The following OR51B5 variants were observed in gnomAD, a reference collection of about 807,000 sequenced individuals.
The protein encoded by OR51B5 is olfactory receptor family 51 subfamily B member 5, also known as olfactory receptor 51B5.
For synonymous variants in OR51B5, 186 were observed against 144.8 expected (o/e 1.28, Z -2.04); for missense variants, 456 against 374.6 (o/e 1.22, Z -1.79).
At chr11:5,443,528 A>C (rs1314180679) in intron 1 of OR51B5, among the ~76,000 whole-genome samples, 1 of 143,628 alleles carries the variant, frequency 7.0e-6, no homozygotes, top group Non-Finnish European at 1.5e-5. Context: ...TTTTTTCTTT[A>C]CCTTTGCTGC....
At chr11:5,359,163 G>T (rs918046188) in intron 1 of OR51B5, among the ~76,000 whole-genome samples, 1 of 151,532 alleles carries the variant, frequency 6.6e-6, no homozygotes, top group African/African-American at 2.4e-5. Context: ...GCAGGAGAAG[G>T]AAAAAAAGGT....
chr11:5,456,452 T>C (rs1850960289), intron 1 of OR51B5: 1 of 152,208 alleles, frequency 6.6e-6, no homozygotes, highest in Admixed American at 6.5e-5. Flanking sequence ...TGTTTTTGTT[T>C]TTTTGACCTT....
chr11:5,393,788 C>G (rs1162543896), intron 1 of OR51B5, among the ~76,000 whole-genome samples: 1 of 152,104 alleles, frequency 6.6e-6, no homozygotes, highest in Non-Finnish European at 1.5e-5. Flanking sequence ...AACTGAGGCT[C>G]ACAGAGGAAA....
chr11:5,416,517 T>C (rs933287300), intron 1 of OR51B5, among the ~76,000 whole-genome samples: 3 of 151,556 alleles, frequency 2.0e-5, no homozygotes, highest in African/African-American at 7.3e-5. Flanking sequence ...TGATTGTATA[T>C]CTAGAAAACC....
intron 1 of OR51B5, among the ~76,000 whole-genome samples, chr11:5,505,020 G>A (rs1846351521): frequency 6.6e-6 from 1 of 152,212 alleles, no homozygotes; most frequent in Non-Finnish European, 1.5e-5. Flanking sequence ...TGTCTTCCCT[G>A]ATGAGCAGGG....
In OR51B5 at chr11:5,477,629, C is replaced by G. The variant is rs367745355; in HGVS notation, n.84+27940G>C. Among the ~76,000 whole-genome samples, 12 of 152,268 alleles carry G rather than the reference C, an allele frequency of 7.9e-5. No homozygotes were observed. In the East Asian group the frequency reaches 2.1e-3, roughly 27 times the overall value. On this transcript the variant is annotated intron_variant and non_coding_transcript_variant, in intron 1 of 4. Transcript: ENST00000415970. ...GTTCATATCACTAGGGAGTGCCAGA[C>G]AGTCGGCGCAGGTCAGTGGGTGCGC...
chr11:5,475,810 C>T (rs1851296761), intron 1 of OR51B5, among the ~76,000 whole-genome samples: 4 of 152,182 alleles, frequency 2.6e-5, no homozygotes, highest in Admixed American at 2.0e-4. Flanking sequence ...ATCAGCATAA[C>T]AGCATCAGCA....
downstream of OR51B5, among the ~76,000 whole-genome samples, chr11:5,342,244 TTTTATGATTC>T (rs1196463756): frequency 6.6e-6 from 1 of 152,204 alleles, no homozygotes; most frequent in Non-Finnish European, 1.5e-5. Flanking sequence ...AATTTTATAT[TTTTATGATTC>T]TGTTCCTATC....
At chr11:5,478,387 T>C (rs1245402830) in intron 1 of OR51B5, among the ~76,000 whole-genome samples, 1 of 148,810 alleles carries the variant, frequency 6.7e-6, no homozygotes, top group Non-Finnish European at 1.5e-5. Context: ...AGACCAAAAG[T>C]AGATAAAACC....
chr11:5,422,450 A>G (rs752633574), intron 1 of OR51B5: 3 of 1,614,166 alleles, frequency 1.9e-6, no homozygotes, highest in Non-Finnish European at 2.5e-6. Context: ...ACCCACAGTC[A>G]TGCAGCTTCT....
chr11:5,436,981 T>C (rs1275763741), intron 1 of OR51B5, among the ~76,000 whole-genome samples: 2 of 152,140 alleles, frequency 1.3e-5, no homozygotes, highest in African/African-American at 4.8e-5. Flanking sequence ...TGCGGAATTG[T>C]TCCCAGATGC....
chr11:5,389,933 C>T (rs749105043), intron 1 of OR51B5: 4 of 1,611,350 alleles, frequency 2.5e-6, no homozygotes, highest in South Asian at 1.1e-5. Context: ...GAAGGCTTTT[C>T]CCTACTGTGG....
At position 5,454,401 on chromosome 11, in the gene OR51B5, C is replaced by T. The variant is rs534455073; in HGVS notation, n.84+51168G>A. On this transcript the variant is annotated intron_variant and non_coding_transcript_variant, in intron 1 of 4. Transcript: ENST00000415970. ...AAAGGAAATCCGCCGAGCCATTTTC[C>T]GCATGTTTCACCACATCAAAATATG... is the stretch of plus-strand genomic sequence containing the variant. 3.7e-5 allele frequency: 60 copies of T among 1,607,122 alleles called. No homozygotes were observed. The highest frequency in any genetic ancestry group is 1.9e-4 in the African/African-American group (14 of 72,814).
chr11:5,461,093 TG>T (rs1160380107), intron 1 of OR51B5, among the ~76,000 whole-genome samples: 2 of 151,872 alleles, frequency 1.3e-5, no homozygotes, highest in African/African-American at 4.9e-5. Flanking sequence ...TGGCTGCAGC[TG>T]GGGGGCTGCG....
intron 1 of OR51B5, among the ~76,000 whole-genome samples, chr11:5,471,591 G>A (rs1412616311): frequency 1.4e-5 from 2 of 147,436 alleles, no homozygotes; most frequent in African/African-American, 2.5e-5. Context: ...AGCTGAGATC[G>A]CACCATTGCA....
chr11:5,378,193 A>G (rs1014401780), intron 1 of OR51B5, among the ~76,000 whole-genome samples: 10 of 151,992 alleles, frequency 6.6e-5, no homozygotes, highest in Admixed American at 3.9e-4. Flanking sequence ...AAAACCTGAG[A>G]AAAACAAGAA....
At chr11:5,483,515 AAAAGAAAAG>A (rs1851457005) in intron 1 of OR51B5, among the ~76,000 whole-genome samples, 1 of 116,622 alleles carries the variant, frequency 8.6e-6, no homozygotes, top group African/African-American at 3.6e-5. Flanking sequence ...AATTAAAAAA[AAAAGAAAAG>A]AAAAGAAAAG....
intron 1 of OR51B5, among the ~76,000 whole-genome samples, chr11:5,367,866 G>C (rs1047573226): frequency 1.3e-5 from 2 of 151,980 alleles, no homozygotes; most frequent in Admixed American, 6.6e-5. Context: ...TTTTTCACTT[G>C]TGCTTTCTGC....
chr11:5,435,264 A>G (rs375361335), intron 1 of OR51B5, among the ~76,000 whole-genome samples: 25 of 152,336 alleles, frequency 1.6e-4, no homozygotes, highest in African/African-American at 5.8e-4. Context: ...TCTCATGGAT[A>G]TGAAGTGCTT....
Sources: gnomAD v4.1 joint callset for allele counts (sites outside exome capture counted in the v4.1 genomes callset) on GRCh38, gnomAD v4.1.1 for gene constraint, MANE v1.5 for transcripts, NCBI Gene and HGNC (gene_info 2026-07-23, HGNC 2026-07-21) for gene names.